CDH23: variants seen among roughly 807,000 people sequenced by gnomAD.
CDH23 encodes the protein cadherin-23.
Under a neutral mutation model 317.1 loss-of-function variants are expected in CDH23, and 189 were observed. The ratio of observed to expected loss-of-function variants is 0.60; its 90% confidence interval spans 0.53 to 0.67. The LOEUF is 0.67. CDH23 is among the 30% of genes least tolerant of loss of function. The pLI is 0.00. For synonymous variants in CDH23, 1,839 were observed against 1,876.8 expected, an observed-to-expected ratio of 0.98 and a Z score of 0.52; for missense variants, 4,401 against 4,592.4, an observed-to-expected ratio of 0.96 and a Z score of 1.20.
intron 3 of CDH23, among the ~76,000 whole-genome samples, chr10:71,507,046 C>T (rs1402898415): frequency 1.3e-5 from 2 of 152,200 alleles, no homozygotes; most frequent in Non-Finnish European, 2.9e-5. Context: ...GTTGTGCAAC[C>T]TTGGCTGGAA....
chr10:71,604,628 C>G (rs1036340201), intron 9 of CDH23, among the ~76,000 whole-genome samples: 9 of 152,248 alleles, frequency 5.9e-5, no homozygotes, highest in Non-Finnish European at 8.8e-5. Flanking sequence ...GGCTCCCCAC[C>G]TGGGAAGCCA....
chr10:71,572,602 C>A (rs566325753), intron 8 of CDH23, among the ~76,000 whole-genome samples: 5 of 152,186 alleles, frequency 3.3e-5, no homozygotes, highest in Non-Finnish European at 7.3e-5. Flanking sequence ...CCTCTCCGCC[C>A]CTGTGCCTGC....
At chr10:71,488,441 TG>T (rs1852471707) in intron 3 of CDH23, among the ~76,000 whole-genome samples, 1 of 152,216 alleles carries the variant, frequency 6.6e-6, no homozygotes, top group African/African-American at 2.4e-5. Context: ...TTTCTAGTGC[TG>T]CCCTGGCCAC....
At chr10:71,727,967 C>A (rs1589378526) in intron 30 of CDH23, among the ~76,000 whole-genome samples, 1 of 152,144 alleles carries the variant, frequency 6.6e-6, no homozygotes, top group Non-Finnish European at 1.5e-5. Context: ...AGGCTGGTGG[C>A]ATGTAGCCAG....
intron 38 of CDH23, among the ~76,000 whole-genome samples, chr10:71,768,776 G>C (rs916990118): frequency 6.6e-6 from 1 of 152,178 alleles, no homozygotes; most frequent in Non-Finnish European, 1.5e-5. Context: ...CACTGTGCTC[G>C]GCCTCATTCT....
At chr10:71,667,595 G>A (rs1316473770) in intron 14 of CDH23, among the ~76,000 whole-genome samples, 1 of 152,046 alleles carries the variant, frequency 6.6e-6, no homozygotes, top group African/African-American at 2.4e-5. Context: ...TAAAGAAGTA[G>A]GAAGTATGGA....
At chr10:71,544,694 T>C (rs1589189377) in intron 6 of CDH23, among the ~76,000 whole-genome samples, 1 of 152,076 alleles carries the variant, frequency 6.6e-6, no homozygotes. Context: ...CAATCAGGCA[T>C]GAAGTAGAAG....
In CDH23 at chr10:71,617,622, GTTA is replaced by G. The variant is rs1861263016; in HGVS notation, c.1134+235_1134+237del. ...GTAAGCACATGTTTCCATATGTGTG[GTTA>G]TTATTTAGAAGTTACATACATGATC... On this transcript the variant is annotated intron_variant, in intron 11 of 69. Transcript: ENST00000224721. 7 of 1,175,846 alleles carry G rather than the reference GTTA, an allele frequency of 6.0e-6. No individual in the cohort carries two copies. In the South Asian group the frequency reaches 1.1e-4, roughly 19 times the overall value. 72.8% of individuals were successfully genotyped at this position (1,175,846 alleles called of 1,614,324 possible).
intron 11 of CDH23, among the ~76,000 whole-genome samples, chr10:71,625,410 A>AC (rs1318438740): frequency 1.5e-5 from 2 of 136,400 alleles, no homozygotes; most frequent in East Asian, 2.0e-4. Context: ...AAAAAAAAAA[A>AC]AAAAAAAAAA....
At chr10:71,609,950 CCGTGTGTG>C in intron 9 of CDH23, among the ~76,000 whole-genome samples, 1 of 117,592 alleles carries the variant, frequency 8.5e-6, no homozygotes, top group East Asian at 2.3e-4. Context: ...AAGGACTCCC[CCGTGTGTG>C]TGTGTGTGTG....
intron 1 of CDH23, among the ~76,000 whole-genome samples, chr10:71,435,041 G>A (rs1849558134): frequency 6.6e-6 from 1 of 152,200 alleles, no homozygotes; most frequent in Admixed American, 6.5e-5. Context: ...TTCCTATCAG[G>A]CGCCTCTGCA....
intron 14 of CDH23, among the ~76,000 whole-genome samples, chr10:71,660,019 A>T (rs1477868484): frequency 7.3e-6 from 1 of 136,186 alleles, no homozygotes; most frequent in East Asian, 2.1e-4. Flanking sequence ...GGAGTACCAT[A>T]GTGCGATCTT....
intron 18 of CDH23, among the ~76,000 whole-genome samples, chr10:71,686,275 A>C (rs1864884820): frequency 6.6e-6 from 1 of 151,940 alleles, no homozygotes; most frequent in Non-Finnish European, 1.5e-5. Context: ...TAAATGTATA[A>C]GTATATGGGG....
chr10:71,796,212 A>C, intron 48 of CDH23: 1 of 543,298 alleles, frequency 1.8e-6, no homozygotes, highest in Non-Finnish European at 2.3e-6. Context: ...GATGAAGCCA[A>C]TGGGAGGAGA....
At chr10:71,682,659 C>T in intron 18 of CDH23, 87 bp downstream of exon 18, 3 of 1,521,406 alleles carry the variant, frequency 2.0e-6, no homozygotes, top group African/African-American at 1.4e-5. Context: ...GGACTGTGGC[C>T]CCCACCTCCT....
At chr10:71,673,988 G>A (rs1296021529) in intron 14 of CDH23, among the ~76,000 whole-genome samples, 14 of 152,074 alleles carry the variant, frequency 9.2e-5, no homozygotes, top group Admixed American at 6.5e-4. Context: ...GGGTGGTGGC[G>A]GGGACAGAGG....
At chr10:71,808,662 CCTT>C (rs1221974211) in intron 60 of CDH23, among the ~76,000 whole-genome samples, 6 of 152,154 alleles carry the variant, frequency 3.9e-5, no homozygotes, top group Non-Finnish European at 7.3e-5. Context: ...ACCCCTTCCC[CCTT>C]CTTCTCCATC....
intron 3 of CDH23, among the ~76,000 whole-genome samples, chr10:71,470,972 A>T (rs1403945148): frequency 6.6e-6 from 1 of 152,206 alleles, no homozygotes; most frequent in East Asian, 1.9e-4. Context: ...AAAATGAGTT[A>T]TTCATGTTCT....
At chr10:71,585,735 C>T (rs1175037396) in intron 9 of CDH23, among the ~76,000 whole-genome samples, 1 of 152,226 alleles carries the variant, frequency 6.6e-6, no homozygotes, top group Non-Finnish European at 1.5e-5. Flanking sequence ...GGTGTGCTTC[C>T]TGCCAGCCGG....
Sources: allele counts gnomAD v4.1 joint callset (sites outside exome capture counted in the v4.1 genomes callset), GRCh38; gene constraint gnomAD v4.1.1; transcripts MANE v1.5; gene names NCBI Gene and HGNC (gene_info 2026-07-23, HGNC 2026-07-21).